RGS7: variants seen among roughly 807,000 people sequenced by gnomAD.
The protein encoded by RGS7 is regulator of G protein signaling 7.
In RGS7, 27 loss-of-function variants were observed where a neutral mutation model predicts 81.1. The ratio of observed to expected loss-of-function variants is 0.33; its 90% CI spans 0.25 to 0.46. RGS7 has a LOEUF of 0.46. Ranked by LOEUF, RGS7 falls within the 20% of genes least tolerant of loss-of-function variation. The pLI is 1.00. For synonymous variants in RGS7, 208 were observed against 207.7 expected (o/e 1.00, Z -0.01); for missense variants, 396 against 607.4 (o/e 0.65, Z 3.66).
intron 14 of RGS7, among the ~76,000 whole-genome samples, chr1:240,806,983 G>T (rs1024959363): frequency 6.6e-6 from 1 of 152,304 alleles, no homozygotes; most frequent in African/African-American, 2.4e-5. Flanking sequence ...GTTATGGAAT[G>T]ACCAAAGCAG....
At chr1:241,274,501 C>A (rs954570986) in intron 2 of RGS7, among the ~76,000 whole-genome samples, 2 of 152,230 alleles carry the variant, frequency 1.3e-5, no homozygotes, top group Admixed American at 6.5e-5. Flanking sequence ...TTATTTATTA[C>A]GATCTTATAA....
At chr1:241,030,377 T>TATATATATATATATATATATAC (rs71793632) in intron 3 of RGS7, among the ~76,000 whole-genome samples, 4 of 137,384 alleles carry the variant, frequency 2.9e-5, no homozygotes, top group African/African-American at 8.4e-5. Context: ...TATATATACA[T>TATATATATATATATATATATAC]ACACACATAC....
At chr1:240,788,165 T>C (rs1685382673) in intron 18 of RGS7, among the ~76,000 whole-genome samples, 1 of 152,252 alleles carries the variant, frequency 6.6e-6, no homozygotes. Flanking sequence ...TCAAGTGTTT[T>C]TGTGTTCAGC....
At chr1:240,941,904 G>A (rs1489270690) in intron 4 of RGS7, among the ~76,000 whole-genome samples, 3 of 150,000 alleles carry the variant, frequency 2.0e-5, no homozygotes, top group African/African-American at 7.4e-5. Flanking sequence ...CACGCTTCAC[G>A]GCAAAATAAT....
At chr1:241,141,929 T>C (rs2067948669) in intron 2 of RGS7, among the ~76,000 whole-genome samples, 1 of 152,224 alleles carries the variant, frequency 6.6e-6, no homozygotes, top group Non-Finnish European at 1.5e-5. Context: ...AGTTACTTCC[T>C]AGACACCGTG....
chr1:240,895,418 C>T (rs1225243727), intron 6 of RGS7, among the ~76,000 whole-genome samples: 1 of 150,946 alleles, frequency 6.6e-6, no homozygotes, highest in African/African-American at 2.4e-5. Context: ...AGGTATATCT[C>T]CTAATGCTAT....
intron 2 of RGS7, among the ~76,000 whole-genome samples, chr1:241,150,578 G>C (rs1296788025): frequency 6.6e-6 from 1 of 152,218 alleles, no homozygotes; most frequent in Non-Finnish European, 1.5e-5. Flanking sequence ...GAGTGTGGGG[G>C]AGTTTGCCTC....
chr1:241,316,222 C>T (rs1402614987), intron 2 of RGS7, among the ~76,000 whole-genome samples: 1 of 152,196 alleles, frequency 6.6e-6, no homozygotes, highest in Non-Finnish European at 1.5e-5. Flanking sequence ...CTCCAGGAAC[C>T]TCCAAGTGTT....
Position 240,936,414 on chromosome 1 carries a change from A to C in RGS7, c.333+186T>G, listed in dbSNP as rs1323948082. Among the ~76,000 whole-genome samples, 3 of 152,268 alleles carry C rather than the reference A, an allele frequency of 2.0e-5. No homozygotes were observed. In the East Asian group the frequency reaches 5.8e-4, roughly 29 times the overall value. On this transcript the variant is annotated intron_variant, in intron 5 of 18. Transcript: ENST00000440928. ...CTTTCACACATCATCTTGACTAAGC[A>C]TACTTTATCTTTCTCTGTGTTTATT...
intron 2 of RGS7, among the ~76,000 whole-genome samples, chr1:241,154,891 A>C (rs2069002758): frequency 6.6e-6 from 1 of 152,146 alleles, no homozygotes; most frequent in Non-Finnish European, 1.5e-5. Context: ...AGCAACCTGC[A>C]AAAAAATAAA....
rs749513624 is a variant in RGS7, at chr1:240,813,778, C to T, written c.846-50G>A. On this transcript the variant is annotated intron_variant, in intron 12 of 18. Transcript: ENST00000440928. ...TTCTTTAGTTTTCTGACTGGGGTTG[C>T]AGCCAGTCCAAAGCAGGGAAAACAA... 11 of 1,170,666 alleles carry T rather than the reference C, an allele frequency of 9.4e-6. No homozygotes were observed. The South Asian group carries it at 9.9e-5, about 11-fold the overall frequency. The allele number at this position is 1,170,666 out of a possible 1,614,324, so 72.5% of individuals were successfully genotyped here.
chr1:241,346,893 A>G (rs905947440), intron 2 of RGS7, among the ~76,000 whole-genome samples: 1 of 152,204 alleles, frequency 6.6e-6, no homozygotes, highest in African/African-American at 2.4e-5. Flanking sequence ...GAGCGAATGC[A>G]CCTAGAAAAG....
intron 2 of RGS7, among the ~76,000 whole-genome samples, chr1:241,323,815 C>T (rs1490594389): frequency 6.6e-6 from 1 of 152,058 alleles, no homozygotes; most frequent in Non-Finnish European, 1.5e-5. Context: ...CACAATGTAC[C>T]TAAATTATTT....
At chr1:241,306,365 CCA>C (rs779854917) in intron 2 of RGS7, among the ~76,000 whole-genome samples, 25 of 150,398 alleles carry the variant, frequency 1.7e-4, no homozygotes, top group African/African-American at 3.4e-4. Flanking sequence ...ACACACATGT[CCA>C]CACACACGCA....
rs2077874962 is a variant in RGS7, at chr1:241,271,130, T to C, written c.78+84569A>G. On this transcript the variant is annotated intron_variant, in intron 2 of 18. Transcript: ENST00000440928. The surrounding 1 kb of genome is among the most constrained non-coding windows in gnomAD (Gnocchi z 4.6). ...TGCCGACCTGTGTGGAATGTGAACCTGAGTATTTTCTATTGGCGGGAACTT... is the reference window on the plus strand; with the variant it reads ...TGCCGACCTGTGTGGAATGTGAACCCGAGTATTTTCTATTGGCGGGAACTT... Among the ~76,000 whole-genome samples, 1 of 152,186 alleles carries C rather than the reference T, an allele frequency of 6.6e-6. No individual in the cohort carries two copies. The highest frequency in any genetic ancestry group is 2.1e-4 in the South Asian group (1 of 4,820).
At chr1:241,300,699 T>G (rs2079698967) in intron 2 of RGS7, among the ~76,000 whole-genome samples, 1 of 152,264 alleles carries the variant, frequency 6.6e-6, no homozygotes, top group Non-Finnish European at 1.5e-5. Flanking sequence ...GTTTTAGCAA[T>G]TATGAACAAA....
chr1:241,024,632 C>T (rs1002154254), intron 3 of RGS7, among the ~76,000 whole-genome samples: 10 of 151,922 alleles, frequency 6.6e-5, no homozygotes, highest in Admixed American at 1.3e-4. Context: ...GACTTAAGGA[C>T]GCCGAATGGA....
intron 10 of RGS7, among the ~76,000 whole-genome samples, chr1:240,818,640 G>A (rs1691239011): frequency 6.6e-6 from 1 of 152,170 alleles, no homozygotes; most frequent in African/African-American, 2.4e-5. Flanking sequence ...TCTGTCATTT[G>A]CAATAACATG....
chr1:240,995,712 T>TC (rs1224854369), intron 3 of RGS7, among the ~76,000 whole-genome samples: 1 of 151,558 alleles, frequency 6.6e-6, no homozygotes, highest in Non-Finnish European at 1.5e-5. Flanking sequence ...TCTTTTCTTT[T>TC]TTTTTTTTTG....
Sources: gnomAD v4.1 joint callset for allele counts (sites outside exome capture counted in the v4.1 genomes callset) on GRCh38, gnomAD v4.1.1 for gene constraint, Gnocchi (gnomAD v3.1) non-coding constraint, MANE v1.5 for transcripts, NCBI Gene and HGNC (gene_info 2026-07-23, HGNC 2026-07-21) for gene names.